PMFBP1: variants seen among roughly 807,000 people sequenced by gnomAD.
PMFBP1 encodes the protein polyamine-modulated factor 1-binding protein 1.
Under a neutral mutation model 137.8 loss-of-function variants are expected in PMFBP1, and 131 were observed. The ratio of observed to expected loss-of-function variants is 0.95; its 90% CI spans 0.82 to 1.10. PMFBP1 has a LOEUF of 1.10. Ranked by LOEUF, PMFBP1 falls within the 50% of genes least tolerant of loss-of-function variation. The pLI is 0.00. For synonymous variants in PMFBP1, 490 were observed against 450.4 expected (o/e 1.09, Z -1.11); for missense variants, 1,199 against 1,175.4 (o/e 1.02, Z -0.29).
the PMFBP1 span, among the ~76,000 whole-genome samples, chr16:72,195,529 T>C: frequency 6.6e-6 from 1 of 152,112 alleles, no homozygotes; most frequent in African/African-American, 2.4e-5. Flanking sequence ...CCATCCTGCC[T>C]GCATGAGCTC....
chr16:72,151,679 T>C (rs189372973), intron 4 of PMFBP1, among the ~76,000 whole-genome samples: 1 of 152,286 alleles, frequency 6.6e-6, no homozygotes, highest in East Asian at 1.9e-4. Context: ...AGATTCTTCT[T>C]AGGAAAGGAT....
chr16:72,130,394 A>G, intron 11 of PMFBP1, 37 bp from the exon 12 acceptor site: 1 of 1,613,748 alleles, frequency 6.2e-7, no homozygotes, highest in Non-Finnish European at 8.5e-7. Context: ...GACAGACTTC[A>G]GTGCCCATGT....
chr16:72,201,351 A>G, the PMFBP1 span, among the ~76,000 whole-genome samples: 2 of 152,248 alleles, frequency 1.3e-5, no homozygotes, highest in African/African-American at 4.8e-5. Flanking sequence ...TGAGAGGTGC[A>G]AAAGTTACAG....
the PMFBP1 span, among the ~76,000 whole-genome samples, chr16:72,245,865 C>T: frequency 6.6e-6 from 1 of 152,194 alleles, no homozygotes; most frequent in African/African-American, 2.4e-5. Context: ...TATTTGAACA[C>T]CCAGCATGAC....
At chr16:72,121,597 T>C (rs531001936) in intron 19 of PMFBP1, among the ~76,000 whole-genome samples, 32 of 152,220 alleles carry the variant, frequency 2.1e-4, no homozygotes, top group Non-Finnish European at 4.1e-4. Flanking sequence ...TGGTCAGCTT[T>C]GTCACAAGTA....
chr16:72,183,775 A>T, the PMFBP1 span, among the ~76,000 whole-genome samples: 34 of 152,110 alleles, frequency 2.2e-4, no homozygotes, highest in Non-Finnish European at 4.6e-4. Flanking sequence ...GCCCTCCTCC[A>T]GCCACCGTCT....
intron 3 of PMFBP1, among the ~76,000 whole-genome samples, chr16:72,157,656 G>A (rs549398576): frequency 6.6e-6 from 1 of 152,140 alleles, no homozygotes; most frequent in South Asian, 2.1e-4. Context: ...TTGGGGAGAC[G>A]AAAGGCCTTT....
At chr16:72,232,113 T>G in the PMFBP1 span, among the ~76,000 whole-genome samples, 5 of 152,186 alleles carry the variant, frequency 3.3e-5, no homozygotes, top group Non-Finnish European at 7.4e-5. Flanking sequence ...TTAGAGAATA[T>G]ATAAGCTGTG....
chr16:72,222,118 C>A, the PMFBP1 span, among the ~76,000 whole-genome samples: 1 of 152,126 alleles, frequency 6.6e-6, no homozygotes, highest in Non-Finnish European at 1.5e-5. Flanking sequence ...GGGTTGCAAT[C>A]CTGGTGGGGT....
At chr16:72,190,716 T>C in the PMFBP1 span, among the ~76,000 whole-genome samples, 2 of 152,088 alleles carry the variant, frequency 1.3e-5, no homozygotes, top group Non-Finnish European at 2.9e-5. Flanking sequence ...TGAAGAAGAC[T>C]GAGCCTCAGA....
chr16:72,151,170 G>A (rs554577897), intron 4 of PMFBP1, among the ~76,000 whole-genome samples: 1 of 152,278 alleles, frequency 6.6e-6, no homozygotes, highest in East Asian at 1.9e-4. Flanking sequence ...TGAAATGCTG[G>A]TATTTTTTCC....
chr16:72,165,153 G>C (rs2043126451), intron 2 of PMFBP1, among the ~76,000 whole-genome samples: 2 of 152,090 alleles, frequency 1.3e-5, no homozygotes, highest in African/African-American at 2.4e-5. Context: ...CACACTGCTG[G>C]GGGTGCACAA....
At chr16:72,144,849 C>T (rs1458497688) in intron 5 of PMFBP1, among the ~76,000 whole-genome samples, 1 of 152,162 alleles carries the variant, frequency 6.6e-6, no homozygotes, top group Non-Finnish European at 1.5e-5. Context: ...AATATATATG[C>T]ACCCAATAGA....
chr16:72,245,389 T>A, the PMFBP1 span, among the ~76,000 whole-genome samples: 1 of 152,164 alleles, frequency 6.6e-6, no homozygotes. Context: ...TCCAAGGTGG[T>A]ACAGCTGGTA....
chr16:72,213,389 T>G, the PMFBP1 span, among the ~76,000 whole-genome samples: 1 of 152,184 alleles, frequency 6.6e-6, no homozygotes, highest in Non-Finnish European at 1.5e-5. Flanking sequence ...GACTCTGGCT[T>G]CCATCCTGCT....
the PMFBP1 span, among the ~76,000 whole-genome samples, chr16:72,226,296 A>G: frequency 6.6e-6 from 1 of 152,158 alleles, no homozygotes; most frequent in East Asian, 1.9e-4. Context: ...TAATAATTAG[A>G]GCAATTAGCA....
At chr16:72,140,332 G>A in intron 6 of PMFBP1, 80 bp downstream of exon 6, 1 of 1,373,256 alleles carries the variant, frequency 7.3e-7, no homozygotes, top group Non-Finnish European at 1.0e-6. Flanking sequence ...ATTAATTTAG[G>A]TGACTCTTTT....
chr16:72,146,992 C>CT (rs1162434078), intron 5 of PMFBP1, among the ~76,000 whole-genome samples: 4 of 152,268 alleles, frequency 2.6e-5, no homozygotes, highest in Admixed American at 2.6e-4. Flanking sequence ...AAAGCTACCA[C>CT]TGAGTTTCTT....
At position 72,119,973 on chromosome 16, in the gene PMFBP1, G is replaced by A. The variant is rs528822854; in HGVS notation, c.2885C>T (p.Pro962Leu). ...CCTCTGTGTGGACTCCGTTCTGCTC[G>A]GGCCTAGGGCTTTGGTGCATAGCCT... The part of the protein sequence containing the change: ...NTRLCTKALG[P>L]SRTESTQREK... Residue 962 changes from proline to leucine, a missense_variant, in exon 20 of 21, where the codon CCG becomes CTG. Transcript: ENST00000237353. The A allele has an allele frequency of 8.9e-5, 144 of 1,614,016 alleles. No homozygotes were observed. Among genetic ancestry groups the A allele is most frequent in the Non-Finnish European group, 1.2e-4 (137 of 1,180,034 alleles).
Sources: gnomAD v4.1 joint callset for allele counts (sites outside exome capture counted in the v4.1 genomes callset) on GRCh38, gnomAD v4.1.1 for gene constraint, MANE v1.5 for transcripts, NCBI Gene and HGNC (gene_info 2026-07-23, HGNC 2026-07-21) for gene names.